The following PTPRR variants were observed in gnomAD, a reference collection of about 807,000 sequenced individuals.
The protein encoded by PTPRR is receptor-type tyrosine-protein phosphatase R.
Under a neutral mutation model 77.2 loss-of-function variants are expected in PTPRR, and 38 were observed. The ratio of observed to expected loss-of-function variants is 0.49; its 90% CI spans 0.38 to 0.65. The LOEUF (loss-of-function observed/expected upper bound fraction) is 0.65, where lower values mean the gene tolerates loss of function less well. Ranked by LOEUF, PTPRR falls within the 30% of genes least tolerant of loss-of-function variation. PTPRR has a pLI of 0.00. For synonymous variants in PTPRR, 299 were observed against 283.1 expected (o/e 1.06, Z -0.57); for missense variants, 744 against 799.2 (o/e 0.93, Z 0.83).
chr12:70,765,954 C>T (rs1890810766), intron 2 of PTPRR, among the ~76,000 whole-genome samples: 1 of 152,200 alleles, frequency 6.6e-6, no homozygotes, highest in Admixed American at 6.5e-5. Flanking sequence ...GCTGAGGGTC[C>T]TGTCTGTTAG....
At chr12:70,805,394 T>C (rs1359675811) in intron 2 of PTPRR, among the ~76,000 whole-genome samples, 1 of 151,958 alleles carries the variant, frequency 6.6e-6, no homozygotes, top group Non-Finnish European at 1.5e-5. Flanking sequence ...TGGAGTAGAG[T>C]GGTGTGATCA....
intron 2 of PTPRR, among the ~76,000 whole-genome samples, chr12:70,787,779 A>G (rs1402036831): frequency 2.0e-5 from 3 of 152,180 alleles, no homozygotes; most frequent in Admixed American, 1.3e-4. Flanking sequence ...GGCCATCTTG[A>G]TGACTGTTTT....
At chr12:70,863,954 A>G (rs1185719827) in intron 2 of PTPRR, among the ~76,000 whole-genome samples, 1 of 152,178 alleles carries the variant, frequency 6.6e-6, no homozygotes, top group Non-Finnish European at 1.5e-5. Context: ...TCCTGGGTTA[A>G]GGCAATGTTC....
At chr12:70,811,349 A>G (rs776677776) in intron 2 of PTPRR, among the ~76,000 whole-genome samples, 4 of 152,238 alleles carry the variant, frequency 2.6e-5, no homozygotes, top group Non-Finnish European at 5.9e-5. Context: ...GGCAGCTTTA[A>G]AAGCAAATGA....
intron 13 of PTPRR, among the ~76,000 whole-genome samples, chr12:70,654,635 TTTA>T (rs1886512565): frequency 6.6e-6 from 1 of 152,224 alleles, no homozygotes; most frequent in Non-Finnish European, 1.5e-5. Context: ...CCCTCTTTGT[TTTA>T]TTACTTCACA....
chr12:70,709,869 G>A (rs1005313983), intron 6 of PTPRR, among the ~76,000 whole-genome samples: 23 of 152,146 alleles, frequency 1.5e-4, no homozygotes, highest in Admixed American at 7.9e-4. Context: ...AACATTCCAC[G>A]TTCATGTATA....
chr12:70,675,260 G>A lies in PTPRR; in HGVS notation c.1497+8867C>T, dbSNP rs144543188. 1.2e-3 allele frequency among the ~76,000 whole-genome samples: 181 copies of A among 151,888 alleles called. 2 individuals are homozygous for A. Among genetic ancestry groups the A allele is most frequent in the African/African-American group, 4.3e-3 (177 of 41,506 alleles). ...TTATTTTATCAGTTTGGTAATCTCT[G>A]ATATTTAATTTGCAAGTTATTTGTT... On this transcript the variant is annotated intron_variant, in intron 10 of 13. Coordinates refer to ENST00000283228, the MANE Select transcript of PTPRR (RefSeq NM_002849.4).
Position 70,792,511 on chromosome 12 carries a change from T to C in PTPRR, c.358-27733A>G, listed in dbSNP as rs566956824. Among the ~76,000 whole-genome samples the C allele has an allele frequency of 1.9e-4, 29 of 152,316 alleles. 1 individual carries two copies. In the South Asian group the frequency reaches 5.8e-3, roughly 30 times the overall value. On this transcript the variant is annotated intron_variant, in intron 2 of 13. Coordinates refer to ENST00000283228, the MANE Select transcript of PTPRR (RefSeq NM_002849.4). ...ATAATTTACTAATAGTGGCATCTCA[T>C]AAGTGATGTAAATTTCAAACTTATA...
At chr12:70,716,115 C>T (rs924159601) in intron 6 of PTPRR, among the ~76,000 whole-genome samples, 4 of 152,162 alleles carry the variant, frequency 2.6e-5, no homozygotes, top group Admixed American at 6.5e-5. Context: ...CGTTTGGGGT[C>T]CCTGACTTCC....
At chr12:70,669,557 T>TAC (rs1428335906) in intron 10 of PTPRR, among the ~76,000 whole-genome samples, 1 of 100,918 alleles carries the variant, frequency 9.9e-6, no homozygotes, top group Non-Finnish European at 1.8e-5. Flanking sequence ...ATATATATGT[T>TAC]ATACACACAC....
chr12:70,892,364 C>T (rs1893352389), intron 2 of PTPRR, among the ~76,000 whole-genome samples: 1 of 152,022 alleles, frequency 6.6e-6, no homozygotes, highest in African/African-American at 2.4e-5. Flanking sequence ...GTAGGAGGCT[C>T]AGTACAAGAT....
intron 2 of PTPRR, chr12:70,788,755 C>T: frequency 1.8e-6 from 2 of 1,112,934 alleles, no homozygotes; most frequent in Non-Finnish European, 2.6e-6. Context: ...TTAATATTTA[C>T]CCTCCTAAGC....
At chr12:70,773,581 A>G (rs1443373051) in intron 2 of PTPRR, among the ~76,000 whole-genome samples, 1 of 152,134 alleles carries the variant, frequency 6.6e-6, no homozygotes, top group Non-Finnish European at 1.5e-5. Flanking sequence ...TATCATGGGT[A>G]AAGGCAGTGG....
chr12:70,702,921 T>A (rs1420515342), intron 6 of PTPRR, among the ~76,000 whole-genome samples: 3 of 152,190 alleles, frequency 2.0e-5, no homozygotes, highest in Non-Finnish European at 4.4e-5. Flanking sequence ...TCTAGTTTGA[T>A]TATCTGTATA....
intron 13 of PTPRR, among the ~76,000 whole-genome samples, chr12:70,641,061 A>G (rs1885979471): frequency 6.6e-6 from 1 of 152,170 alleles, no homozygotes; most frequent in Non-Finnish European, 1.5e-5. Context: ...GAATGTGGTA[A>G]TGGTTTATCT....
At chr12:70,717,803 G>A (rs1889089906) in intron 6 of PTPRR, among the ~76,000 whole-genome samples, 1 of 152,064 alleles carries the variant, frequency 6.6e-6, no homozygotes, top group African/African-American at 2.4e-5. Flanking sequence ...AGGAAAATAA[G>A]AATGAAATAC....
intron 2 of PTPRR, among the ~76,000 whole-genome samples, chr12:70,800,267 TC>T (rs201548284): frequency 0.01 from 1,392 of 136,466 alleles, 42 homozygotes; most frequent in Non-Finnish European, 0.015. Flanking sequence ...CTGTTCTCTC[TC>T]TTTTTTTTTT....
intron 1 of PTPRR, among the ~76,000 whole-genome samples, chr12:70,902,747 G>C (rs1449883529): frequency 1.3e-5 from 2 of 151,556 alleles, no homozygotes; most frequent in East Asian, 3.9e-4. Context: ...AGAGTGGGAG[G>C]GGGGCAAGGG....
intron 2 of PTPRR, among the ~76,000 whole-genome samples, chr12:70,779,681 G>A (rs1437648348): frequency 6.6e-6 from 1 of 152,158 alleles, no homozygotes; most frequent in Non-Finnish European, 1.5e-5. Flanking sequence ...ACAGTGCCTG[G>A]CACATAGTAG....
Sources: allele counts gnomAD v4.1 joint callset (sites outside exome capture counted in the v4.1 genomes callset), GRCh38; gene constraint gnomAD v4.1.1; transcripts MANE v1.5; gene names NCBI Gene and HGNC (gene_info 2026-07-23, HGNC 2026-07-21).